Variants in PPFIA1 observed in about 807,000 individuals in gnomAD.
PPFIA1 encodes the protein liprin-alpha-1.
PPFIA1 carries 25 observed loss-of-function variants against 149.9 expected under a neutral mutation model. The ratio of observed to expected loss-of-function variants is 0.17; its 90% CI spans 0.12 to 0.23. PPFIA1 has a LOEUF of 0.23. Among genes scored for constraint, PPFIA1 ranks in the 10% least tolerant of loss-of-function variants. The probability of loss-of-function intolerance (pLI) is 1.00; values close to 1 mark genes in which losing one functional copy is unlikely to be tolerated. For missense variants in PPFIA1, 1,362 were observed against 1,506.5 expected (o/e 0.90, Z 1.59); for synonymous variants, 549 against 552.8 (o/e 0.99, Z 0.10).
intron 21 of PPFIA1, among the ~76,000 whole-genome samples, chr11:70,370,423 A>G (rs1046504348): frequency 4.0e-5 from 6 of 150,434 alleles, no homozygotes; most frequent in Admixed American, 1.3e-4. Flanking sequence ...GTCTCGCTCT[A>G]TCTCCCAGGC....
At chr11:70,328,374 C>T (rs752667987) in intron 7 of PPFIA1, among the ~76,000 whole-genome samples, 14 of 152,140 alleles carry the variant, frequency 9.2e-5, no homozygotes, top group Non-Finnish European at 1.9e-4. Flanking sequence ...ATAATGGCCG[C>T]CAGCTCCATC....
At chr11:70,342,663 T>TA (rs2055406719) in intron 14 of PPFIA1, among the ~76,000 whole-genome samples, 1 of 152,194 alleles carries the variant, frequency 6.6e-6, no homozygotes, top group African/African-American at 2.4e-5. Context: ...TGAAAACACT[T>TA]ATGAAATTTA....
intron 15 of PPFIA1, chr11:70,346,066 G>A: frequency 2.5e-6 from 1 of 400,844 alleles, no homozygotes; most frequent in Non-Finnish European, 5.0e-6. Context: ...AGCAACTTTA[G>A]CAGTTATAAT....
chr11:70,334,847 G>A (rs1210026309), intron 10 of PPFIA1, among the ~76,000 whole-genome samples: 3 of 152,218 alleles, frequency 2.0e-5, no homozygotes, highest in African/African-American at 7.2e-5. Context: ...AGCACTGCAA[G>A]GGCACTTGGG....
At chr11:70,375,227 T>G (rs554059768) in intron 24 of PPFIA1, 134 bp downstream of exon 24, 21 of 257,628 alleles carry the variant, frequency 8.2e-5, no homozygotes, top group Middle Eastern at 3.1e-3. Flanking sequence ...TTTTTGGTTT[T>G]TTTTTTTTTT....
At chr11:70,314,015 C>T (rs2053446158) in intron 2 of PPFIA1, among the ~76,000 whole-genome samples, 1 of 152,184 alleles carries the variant, frequency 6.6e-6, no homozygotes, top group African/African-American at 2.4e-5. Flanking sequence ...GAGGTCGTGT[C>T]TCAAATAGAA....
chr11:70,363,963 G>A (rs537274650), intron 21 of PPFIA1, among the ~76,000 whole-genome samples: 2 of 152,062 alleles, frequency 1.3e-5, no homozygotes, highest in South Asian at 2.1e-4. Context: ...GGGCTCAAGC[G>A]ATCCTCCTGC....
intron 2 of PPFIA1, among the ~76,000 whole-genome samples, chr11:70,298,484 T>G (rs2052244668): frequency 6.6e-6 from 1 of 152,264 alleles, no homozygotes. Flanking sequence ...CATGAATGCC[T>G]GGCACTTTCT....
chr11:70,370,446 G>A (rs968398997), intron 21 of PPFIA1, among the ~76,000 whole-genome samples: 4 of 151,612 alleles, frequency 2.6e-5, no homozygotes, highest in African/African-American at 9.7e-5. Flanking sequence ...GAGTGCAGTG[G>A]CATGATCTTG....
At chr11:70,276,210 G>C (rs2050372714) in intron 2 of PPFIA1, among the ~76,000 whole-genome samples, 5 of 151,370 alleles carry the variant, frequency 3.3e-5, no homozygotes, top group African/African-American at 9.7e-5. Context: ...GGGCTAAAGT[G>C]ATCTTCCCAC....
chr11:70,333,816 T>A (rs1429253310), intron 10 of PPFIA1, among the ~76,000 whole-genome samples: 4 of 152,190 alleles, frequency 2.6e-5, no homozygotes, highest in Admixed American at 2.6e-4. Context: ...CAAAAATGCT[T>A]CTTGCTTGTC....
chr11:70,326,990 ACCT>A (rs1440457256), intron 7 of PPFIA1, 172 bp downstream of exon 7: 1 of 610,438 alleles, frequency 1.6e-6, no homozygotes, highest in Non-Finnish European at 2.8e-6. Flanking sequence ...GCCATAAGCT[ACCT>A]CCCCATTTTT....
chr11:70,362,219 G>A (rs2056692369), intron 20 of PPFIA1, 43 bp downstream of exon 20: 1 of 1,612,526 alleles, frequency 6.2e-7, no homozygotes, highest in South Asian at 1.1e-5. Flanking sequence ...GTTACAGTAT[G>A]TGAACTTACT....
chr11:70,365,887 G>T (rs1192788958), intron 21 of PPFIA1: 1 of 452,420 alleles, frequency 2.2e-6, no homozygotes, highest in African/African-American at 2.0e-5. Context: ...GCATTACCGA[G>T]CTCACCAATA....
In PPFIA1 at chr11:70,355,840, C is replaced by T. The variant is rs1253235393; in HGVS notation, c.2488+29C>T. The T allele has an allele frequency of 2.5e-6, 4 of 1,588,198 alleles. No homozygotes were observed. The South Asian group carries it at 3.4e-5, about 14-fold the overall frequency. ...GGTTGGTTTTCCGCACCCTTCTCAG[C>T]ACCCAGGGGTCGGGGAGGAAGGCAC... On this transcript the variant is annotated intron_variant, in intron 18 of 27. Coordinates refer to ENST00000253925, the MANE Select transcript of PPFIA1 (RefSeq NM_003626.5).
At chr11:70,361,513 A>G (rs1389374782) in intron 19 of PPFIA1, among the ~76,000 whole-genome samples, 1 of 152,168 alleles carries the variant, frequency 6.6e-6, no homozygotes, top group Non-Finnish European at 1.5e-5. Context: ...TACAGAGGGC[A>G]GACTGTATAC....
At position 70,372,314 on chromosome 11, in the gene PPFIA1, G is replaced by T; in HGVS notation, c.2965G>T (p.Val989Leu). 1.2e-6 allele frequency: 2 copies of T among 1,614,210 alleles called. No homozygotes were observed. The highest frequency in any genetic ancestry group is 1.7e-6 in the Non-Finnish European group (2 of 1,180,048). The change falls in exon 22 of 28, where the codon GTA becomes TTA. Residue 989 changes from valine to leucine, a missense_variant. By Grantham distance (32) the Val-to-Leu change is conservative. Around this residue, in one of 7 missense-constraint regions of PPFIA1, gnomAD observed 349 missense variants for 373.3 expected, o/e 0.93. Transcript: ENST00000253925. ...QYRSYFMECL[V>L]DARMLDHLTK... The stretch of plus-strand genomic sequence containing the variant: ...CCGCAGCTACTTCATGGAGTGCCTT[G>T]TAGACGCCAGGATGCTGGACCACTT...
chr11:70,351,141 T>C, intron 16 of PPFIA1: 1 of 453,044 alleles, frequency 2.2e-6, no homozygotes, highest in Admixed American at 5.6e-5. Context: ...GGTTGGCGTT[T>C]TAATGGAAGT....
At chr11:70,364,159 T>G (rs982574090) in intron 21 of PPFIA1, among the ~76,000 whole-genome samples, 2 of 152,200 alleles carry the variant, frequency 1.3e-5, no homozygotes, top group African/African-American at 4.8e-5. Context: ...TGTATTTGAT[T>G]TATTTGGCCT....
Sources: allele counts gnomAD v4.1 joint callset (sites outside exome capture counted in the v4.1 genomes callset), GRCh38; gene constraint gnomAD v4.1.1; regional missense constraint gnomAD v4.1.1; transcripts MANE v1.5; gene names NCBI Gene and HGNC (gene_info 2026-07-23, HGNC 2026-07-21).